The following SBF2 variants were observed in gnomAD, a reference collection of about 807,000 sequenced individuals.
SBF2 encodes the protein SET binding factor 2.
Under a neutral mutation model 225.2 loss-of-function variants are expected in SBF2, and 112 were observed. The ratio of observed to expected loss-of-function variants is 0.50; its 90% CI spans 0.43 to 0.58. The LOEUF (loss-of-function observed/expected upper bound fraction) is 0.58. Ranked by LOEUF, SBF2 falls within the 20% of genes least tolerant of loss-of-function variation. The pLI, the probability that SBF2 is intolerant of heterozygous loss-of-function variation, is 0.00. For synonymous variants in SBF2, 763 were observed against 773.3 expected, an observed-to-expected ratio of 0.99 and a Z score of 0.22; for missense variants, 1,996 against 2,206.2, an observed-to-expected ratio of 0.90 and a Z score of 1.91.
At chr11:10,116,147 C>A (rs1254792060) in intron 2 of SBF2, among the ~76,000 whole-genome samples, 1 of 151,760 alleles carries the variant, frequency 6.6e-6, no homozygotes, top group Non-Finnish European at 1.5e-5. Context: ...CCAGCCTGGG[C>A]GACAGAGCGA....
At chr11:10,289,646 G>C (rs1326222270) in intron 1 of SBF2, among the ~76,000 whole-genome samples, 1 of 152,130 alleles carries the variant, frequency 6.6e-6, no homozygotes, top group Non-Finnish European at 1.5e-5. Flanking sequence ...GTGGACCCCA[G>C]GGATGCGGCC....
chr11:10,209,305 ATT>A (rs1957849778), intron 1 of SBF2, among the ~76,000 whole-genome samples: 1 of 67,982 alleles, frequency 1.5e-5, no homozygotes, highest in Non-Finnish European at 2.6e-5. Context: ...CTCTCCACAA[ATT>A]TGTTTTTTTT....
At chr11:9,978,712 G>A (rs1328735064) in intron 13 of SBF2, among the ~76,000 whole-genome samples, 2 of 152,096 alleles carry the variant, frequency 1.3e-5, no homozygotes, top group African/African-American at 2.4e-5. Flanking sequence ...GCAGGACTTC[G>A]GCTCAATGTA....
chr11:10,153,872 T>A (rs1051007343), intron 2 of SBF2, among the ~76,000 whole-genome samples: 1 of 152,150 alleles, frequency 6.6e-6, no homozygotes, highest in African/African-American at 2.4e-5. Context: ...TGAAGATCAT[T>A]TGTTAATATG....
At chr11:10,062,354 C>T (rs1950481604) in intron 2 of SBF2, among the ~76,000 whole-genome samples, 1 of 152,122 alleles carries the variant, frequency 6.6e-6, no homozygotes, top group African/African-American at 2.4e-5. Flanking sequence ...TCTAATTTAA[C>T]TTAGGAACTT....
chr11:10,007,910 C>G (rs1162059389), intron 6 of SBF2, among the ~76,000 whole-genome samples: 1 of 152,144 alleles, frequency 6.6e-6, no homozygotes, highest in Admixed American at 6.5e-5. Flanking sequence ...TTATGGAGGA[C>G]CCTGACAAAT....
intron 3 of SBF2, among the ~76,000 whole-genome samples, chr11:10,033,515 T>C (rs886386686): frequency 6.6e-6 from 1 of 152,156 alleles, no homozygotes; most frequent in Non-Finnish European, 1.5e-5. Context: ...TTTATTACGA[T>C]GTTGACTTTT....
intron 2 of SBF2, among the ~76,000 whole-genome samples, chr11:10,139,016 A>C (rs933866963): frequency 3.3e-5 from 5 of 152,216 alleles, no homozygotes; most frequent in Non-Finnish European, 4.4e-5. Context: ...TGACTATGGA[A>C]AACCATGTAA....
chr11:10,180,543 G>C (rs760549566), intron 2 of SBF2, among the ~76,000 whole-genome samples: 4 of 152,016 alleles, frequency 2.6e-5, no homozygotes, highest in Non-Finnish European at 2.9e-5. Flanking sequence ...TACATGTCTT[G>C]ATATATTCTT....
intron 16 of SBF2, among the ~76,000 whole-genome samples, chr11:9,900,538 A>AGCAGCAGGGGCCACGT (rs1302867188): frequency 1.3e-5 from 2 of 152,190 alleles, no homozygotes; most frequent in Admixed American, 6.5e-5. Flanking sequence ...GGAAGGACGC[A>AGCAGCAGGGGCCACGT]GCAGCAGGGG....
At chr11:10,051,786 C>A (rs896938211) in intron 2 of SBF2, among the ~76,000 whole-genome samples, 2 of 151,984 alleles carry the variant, frequency 1.3e-5, no homozygotes, top group Non-Finnish European at 2.9e-5. Context: ...CCCTAACCTG[C>A]AGTTAAATGA....
At chr11:9,816,291 G>C (rs1226215868) in intron 29 of SBF2, among the ~76,000 whole-genome samples, 6 of 152,108 alleles carry the variant, frequency 3.9e-5, no homozygotes. Context: ...CTAGTATTTT[G>C]AATTTTCTGA....
intron 1 of SBF2, among the ~76,000 whole-genome samples, chr11:10,218,326 C>G (rs1004038101): frequency 9.0e-6 from 1 of 111,686 alleles, no homozygotes. Flanking sequence ...ACCCACCCCC[C>G]CCCCCACCCA....
At chr11:9,870,307 TC>T (rs745599318) in intron 17 of SBF2, among the ~76,000 whole-genome samples, 45 of 152,158 alleles carry the variant, frequency 3.0e-4, no homozygotes, top group Non-Finnish European at 4.3e-4. Context: ...TCAATGCTAT[TC>T]CCATTAAACT....
intron 16 of SBF2, among the ~76,000 whole-genome samples, chr11:9,953,723 C>A (rs540815553): frequency 6.7e-6 from 1 of 149,774 alleles, no homozygotes; most frequent in Non-Finnish European, 1.5e-5. Flanking sequence ...CTCTACTTGT[C>A]CTTTTCTTCA....
chr11:10,136,677 G>A (rs1027480813), intron 2 of SBF2, among the ~76,000 whole-genome samples: 4 of 152,206 alleles, frequency 2.6e-5, no homozygotes, highest in African/African-American at 7.2e-5. Context: ...CCTTTAATCC[G>A]TGGGAATTCT....
intron 16 of SBF2, among the ~76,000 whole-genome samples, chr11:9,926,605 CAA>C (rs1285516380): frequency 6.6e-6 from 1 of 151,908 alleles, no homozygotes; most frequent in Non-Finnish European, 1.5e-5. Context: ...AAGATCCACG[CAA>C]AGAGTATAAT....
intron 16 of SBF2, among the ~76,000 whole-genome samples, chr11:9,902,519 C>A (rs897396246): frequency 3.9e-5 from 6 of 152,128 alleles, no homozygotes; most frequent in African/African-American, 1.4e-4. Flanking sequence ...AAACTGCAAC[C>A]CAACTACCGG....
Position 10,111,289 on chromosome 11 carries a change from T to C in SBF2, c.142-68308A>G, listed in dbSNP as rs116332582. Among the ~76,000 whole-genome samples, 981 of 152,326 alleles carry C rather than the reference T, an allele frequency of 6.4e-3. 10 individuals carry two copies. The highest frequency in any genetic ancestry group is 0.022 in the African/African-American group (931 of 41,574). ...GAAAATTTCCAGCCAAGAAATATTT[T>C]ATAAATAATTACTTTTTAATTTATG... On this transcript the variant is annotated intron_variant, in intron 2 of 39. Transcript: ENST00000256190.
Sources: allele counts gnomAD v4.1 joint callset (sites outside exome capture counted in the v4.1 genomes callset), GRCh38; gene constraint gnomAD v4.1.1; transcripts MANE v1.5; gene names NCBI Gene and HGNC (gene_info 2026-07-23, HGNC 2026-07-21).